Variants in EXOC4 observed in about 807,000 individuals in gnomAD.
EXOC4 encodes SEC8-like 1.
A neutral mutation model predicts 107.2 loss-of-function variants in EXOC4; 71 were observed. That is an observed-to-expected ratio of 0.66 (90% CI 0.55 to 0.81). The LOEUF is 0.81. Ranked by LOEUF, EXOC4 falls within the 30% of genes least tolerant of loss-of-function variation. The pLI, the probability that EXOC4 is intolerant of heterozygous loss-of-function variation, is 0.00. For missense variants in EXOC4, 1,108 were observed against 1,189.6 expected, an observed-to-expected ratio of 0.93 and a Z score of 1.01; for synonymous variants, 456 against 441.2, an observed-to-expected ratio of 1.03 and a Z score of -0.42.
At chr7:134,000,746 G>A (rs1794513110) in intron 15 of EXOC4, among the ~76,000 whole-genome samples, 1 of 152,088 alleles carries the variant, frequency 6.6e-6, no homozygotes, top group Admixed American at 6.6e-5. Context: ...CCAGGAGCTG[G>A]TGTGGTGAAA....
At position 133,424,266 on chromosome 7, in the gene EXOC4, T is replaced by C. The variant is rs777982866; in HGVS notation, c.1182+49264T>C. On this transcript the variant is annotated intron_variant, in intron 7 of 17. Transcript: ENST00000253861. ...GCCTTTATGAGCTGTAACACTCTTA[T>C]GAGCTGTAACACTCACTGTGAAGTT... Among the ~76,000 whole-genome samples the C allele has an allele frequency of 4.5e-4, 68 of 152,256 alleles. 1 individual carries two copies. The highest frequency in any genetic ancestry group is 3.9e-4 in the East Asian group (2 of 5,184).
At chr7:133,485,067 G>A (rs781057389) in intron 9 of EXOC4, among the ~76,000 whole-genome samples, 24 of 120,314 alleles carry the variant, frequency 2.0e-4, no homozygotes, top group Admixed American at 4.7e-4. Flanking sequence ...GAGACACAGC[G>A]AGACTCCGTC....
At chr7:133,565,098 C>G (rs1451670800) in intron 9 of EXOC4, among the ~76,000 whole-genome samples, 1 of 152,152 alleles carries the variant, frequency 6.6e-6, no homozygotes, top group Admixed American at 6.5e-5. Context: ...AAATACTTCT[C>G]CCATTTTCAG....
At chr7:133,794,487 G>T (rs1269648410) in intron 10 of EXOC4, among the ~76,000 whole-genome samples, 9 of 152,098 alleles carry the variant, frequency 5.9e-5, no homozygotes, top group Admixed American at 6.5e-5. Flanking sequence ...TTTATTTTCA[G>T]CATTTGCGAA....
chr7:133,655,658 C>G (rs1325301532), intron 10 of EXOC4, among the ~76,000 whole-genome samples: 3 of 152,136 alleles, frequency 2.0e-5, no homozygotes, highest in Non-Finnish European at 4.4e-5. Context: ...CACTATCTTC[C>G]ACCTCCACAT....
chr7:133,921,608 A>AT (rs957565426), intron 13 of EXOC4, among the ~76,000 whole-genome samples: 20 of 151,162 alleles, frequency 1.3e-4, no homozygotes, highest in African/African-American at 1.9e-4. Context: ...TTCTTTAAAG[A>AT]TTTTTTTTGT....
intron 11 of EXOC4, among the ~76,000 whole-genome samples, chr7:133,849,684 T>C (rs1197730278): frequency 6.6e-6 from 1 of 152,168 alleles, no homozygotes; most frequent in African/African-American, 2.4e-5. Flanking sequence ...TCATTTTCTC[T>C]CTCTTTCCCT....
intron 9 of EXOC4, among the ~76,000 whole-genome samples, chr7:133,606,478 C>A (rs1196847650): frequency 1.3e-5 from 2 of 151,742 alleles, no homozygotes; most frequent in Non-Finnish European, 2.9e-5. Context: ...TCTTGAGAAA[C>A]TGCTTCCTTT....
Position 133,669,243 on chromosome 7 carries a change from T to A in EXOC4, c.1514+39102T>A, listed in dbSNP as rs554753394. 2.0e-5 allele frequency among the ~76,000 whole-genome samples: 3 copies of A among 151,704 alleles called. No individual in the cohort carries two copies. In the South Asian group the frequency reaches 6.3e-4, roughly 32 times the overall value. ...TCTCTGGTGGATGCAGCCTTTACAG[T>A]GGTGAGAGGAGGAGCCGCGGGATGT... On this transcript the variant is annotated intron_variant, in intron 10 of 17. Coordinates refer to ENST00000253861, the MANE Select transcript of EXOC4 (RefSeq NM_021807.4).
intron 10 of EXOC4, among the ~76,000 whole-genome samples, chr7:133,665,762 C>T (rs1408509593): frequency 2.0e-5 from 3 of 152,092 alleles, no homozygotes; most frequent in Non-Finnish European, 4.4e-5. Context: ...TGGTATGACT[C>T]TTTTCTATAA....
At chr7:133,351,086 A>G (rs752173641) in intron 5 of EXOC4, among the ~76,000 whole-genome samples, 13 of 151,948 alleles carry the variant, frequency 8.6e-5, no homozygotes, top group Non-Finnish European at 1.3e-4. Context: ...GTATAGTCCT[A>G]TAAGTATGCT....
In EXOC4 at chr7:134,064,638, G is replaced by A. The variant is rs1292071724; in HGVS notation, c.*110G>A. 1.4e-6 allele frequency: 1 copy of A among 705,018 alleles called. No homozygotes were observed. 43.7% of individuals were successfully genotyped at this position (705,018 alleles called of 1,614,324 possible). On this transcript the variant is annotated 3_prime_UTR_variant, in exon 18 of 18. Transcript: ENST00000253861. ...TAGTTTTCTCTACAGTGATACTTTA[G>A]TGGAGAGGAGGTGTAAGGATTCTTT...
At chr7:133,914,246 CA>C (rs5887649) in intron 12 of EXOC4, among the ~76,000 whole-genome samples, 18,175 of 152,002 alleles carry the variant, frequency 0.12, 1,190 homozygotes, top group Middle Eastern at 0.15. Context: ...TAACCAAACT[CA>C]AAAGGATGAA....
intron 10 of EXOC4, 137 bp downstream of exon 10, chr7:133,630,278 T>A: frequency 1.6e-6 from 1 of 627,902 alleles, no homozygotes; most frequent in Non-Finnish European, 2.8e-6. Flanking sequence ...GCCTCACTAT[T>A]AAAGTTAGTC....
chr7:133,515,637 T>C (rs1446735996), intron 9 of EXOC4, among the ~76,000 whole-genome samples: 1 of 151,998 alleles, frequency 6.6e-6, no homozygotes, highest in Non-Finnish European at 1.5e-5. Flanking sequence ...TCTGGCTAAT[T>C]TTCAAATTTT....
At chr7:133,846,285 ATTT>A (rs1200204296) in intron 11 of EXOC4, among the ~76,000 whole-genome samples, 1 of 152,148 alleles carries the variant, frequency 6.6e-6, no homozygotes, top group South Asian at 2.1e-4. Flanking sequence ...CTACTCAGTT[ATTT>A]TTCTTCAGTT....
At chr7:133,311,854 C>A (rs1028291792) in intron 4 of EXOC4, among the ~76,000 whole-genome samples, 1 of 152,090 alleles carries the variant, frequency 6.6e-6, no homozygotes, top group Non-Finnish European at 1.5e-5. Context: ...TGTTCAATAT[C>A]ATGAGTAGTC....
Position 133,817,420 on chromosome 7 carries a change from T to C in EXOC4, c.1610T>C (p.Leu537Pro). 1 of 1,614,130 alleles carries C rather than the reference T, an allele frequency of 6.2e-7. No individual in the cohort carries two copies. Among genetic ancestry groups the C allele is most frequent in the Non-Finnish European group, 8.5e-7 (1 of 1,179,990 alleles). Reference sequence around the variant, plus strand: ...ACCGTGTACATCAAAAACATCTTTCTCAATCAAGTCTTGGCTGAGATCAAC... The same window carrying C: ...ACCGTGTACATCAAAAACATCTTTCCCAATCAAGTCTTGGCTGAGATCAAC... Reference protein sequence around the residue: ...FLTVYIKNIFLNQVLAEINKE... With the variant: ...FLTVYIKNIFPNQVLAEINKE... The change falls in exon 11 of 18, where the codon CTC (leucine) becomes CCC (proline). Residue 537 changes from leucine (L) to proline (P), a missense_variant. Physicochemically the swap from Leu to Pro is moderately conservative, Grantham distance 98. Coordinates refer to ENST00000253861, the MANE Select transcript of EXOC4 (RefSeq NM_021807.4).
At chr7:133,658,579 T>A (rs963023940) in intron 10 of EXOC4, among the ~76,000 whole-genome samples, 1 of 152,166 alleles carries the variant, frequency 6.6e-6, no homozygotes, top group Non-Finnish European at 1.5e-5. Context: ...AATCATGAGA[T>A]TGGCTATGTC....
Sources: allele counts gnomAD v4.1 joint callset (sites outside exome capture counted in the v4.1 genomes callset), GRCh38; gene constraint gnomAD v4.1.1; transcripts MANE v1.5; gene names NCBI Gene and HGNC (gene_info 2026-07-23, HGNC 2026-07-21).